The following GNL2 variants were observed in gnomAD, a reference collection of about 807,000 sequenced individuals.
The protein encoded by GNL2 is G protein nucleolar 2.
Under a neutral mutation model 92.3 loss-of-function variants are expected in GNL2, and 51 were observed. That is an observed-to-expected ratio of 0.55 (90% confidence interval 0.44 to 0.70). The LOEUF (loss-of-function observed/expected upper bound fraction) is 0.70, where lower values mean the gene tolerates loss of function less well. Ranked by LOEUF, GNL2 falls within the 30% of genes least tolerant of loss-of-function variation. The probability of loss-of-function intolerance (pLI) is 0.00; values close to 1 mark genes in which losing one functional copy is unlikely to be tolerated. For synonymous variants in GNL2, 283 were observed against 300.6 expected (o/e 0.94, Z 0.61); for missense variants, 844 against 895.6 (o/e 0.94, Z 0.74).
intron 15 of GNL2, 120 bp downstream of exon 15, chr1:37,567,553 C>T (rs1419077816): frequency 1.3e-6 from 1 of 741,644 alleles, no homozygotes; most frequent in African/African-American, 1.7e-5. Flanking sequence ...CTGACCTCAA[C>T]TAGGTCAACG....
At chr1:37,583,168 G>A (rs1354298430) in intron 6 of GNL2, 1 of 328,904 alleles carries the variant, frequency 3.0e-6, no homozygotes, top group Non-Finnish European at 5.5e-6. Context: ...TAGCTTAGAT[G>A]AAACTCAACT....
At chr1:37,569,672 G>A in intron 12 of GNL2, 1 of 204,790 alleles carries the variant, frequency 4.9e-6, no homozygotes, top group Non-Finnish European at 1.0e-5. Flanking sequence ...AGGCCAGGCT[G>A]GATGTTACAG....
intron 5 of GNL2, 42 bp from the exon 6 acceptor site, chr1:37,583,975 C>G (rs1643812656): frequency 1.8e-6 from 2 of 1,102,236 alleles, no homozygotes; most frequent in Admixed American, 3.4e-5. Flanking sequence ...GAAGCACCAT[C>G]AAGACTAAAA....
chr1:37,587,347 T>C lies in GNL2; in HGVS notation c.533A>G (p.Lys178Arg). 1.2e-6 allele frequency: 2 copies of C among 1,612,282 alleles called. No individual in the cohort carries two copies. The highest frequency in any genetic ancestry group is 2.2e-5 in the East Asian group (1 of 44,770). Residue 178 changes from lysine to arginine, a missense_variant, in exon 5 of 16, where the codon AAG (lysine) becomes AGG (arginine). Physicochemically the swap from Lys to Arg is conservative, Grantham distance 26. Transcript: ENST00000373062. Reference sequence around the variant, plus strand: ...GTCTTCAGTTACCAAATCACGATCCTTGCCCTGGTCATAGCTCTCAGTGGA... The same window carrying C: ...GTCTTCAGTTACCAAATCACGATCCCTGCCCTGGTCATAGCTCTCAGTGGA... ...EMSTESYDQGKDRDLVTEDTG... is the reference protein window; with the variant it reads ...EMSTESYDQGRDRDLVTEDTG...
chr1:37,574,559 G>T, intron 11 of GNL2, 103 bp from the exon 12 acceptor site: 2 of 1,389,496 alleles, frequency 1.4e-6, no homozygotes, highest in Non-Finnish European at 2.0e-6. Flanking sequence ...TCACTTAAGT[G>T]ACAAGTTTCA....
chr1:37,586,867 A>G (rs574298176), intron 5 of GNL2, among the ~76,000 whole-genome samples: 1 of 152,366 alleles, frequency 6.6e-6, no homozygotes, highest in African/African-American at 2.4e-5. Context: ...AGGGAAGAAG[A>G]TAACTCCATA....
At position 37,587,630 on chromosome 1, in the gene GNL2, G is replaced by A. The variant is rs187959781; in HGVS notation, c.385-135C>T. On this transcript the variant is annotated intron_variant, in intron 4 of 15. Coordinates refer to ENST00000373062, the MANE Select transcript of GNL2 (RefSeq NM_013285.3). ...ACCCATACCCAAATCTGTAAGACATGGTTTCAGTCTGGTTTCAAATCAGAA... is the reference window on the plus strand; with the variant it reads ...ACCCATACCCAAATCTGTAAGACATAGTTTCAGTCTGGTTTCAAATCAGAA... The A allele has an allele frequency of 1.1e-4, 60 of 526,658 alleles. No individual in the cohort carries two copies. In the East Asian group the frequency reaches 1.3e-3, roughly 11 times the overall value. The allele number at this position is 526,658 out of a possible 1,614,324, so 32.6% of individuals were successfully genotyped here.
chr1:37,588,528 T>C (rs1257635448), intron 4 of GNL2, among the ~76,000 whole-genome samples: 2 of 152,196 alleles, frequency 1.3e-5, no homozygotes, highest in African/African-American at 4.8e-5. Context: ...ACATGGGAAA[T>C]AGGGTCTAAT....
chr1:37,567,683 G>A lies in GNL2; in HGVS notation c.2033C>T (p.Thr678Ile). The A allele has an allele frequency of 6.2e-7, 1 of 1,609,198 alleles. No individual in the cohort carries two copies. The highest frequency in any genetic ancestry group is 2.2e-5 in the East Asian group (1 of 44,864). The change falls in exon 15 of 16, where the codon ACA becomes ATA. Residue 678 changes from threonine to isoleucine, a missense_variant. By Grantham distance (89) the Thr-to-Ile change is moderately conservative. Coordinates refer to ENST00000373062, the MANE Select transcript of GNL2 (RefSeq NM_013285.3). ...EHSNKAPRAL[T>I]SKERRRAVRQ... ...ACCTATGACACTTACTTCTTTTGATGTAAGCGCCCTGGGAGCTTTATTTGA... is the reference window on the plus strand; with the variant it reads ...ACCTATGACACTTACTTCTTTTGATATAAGCGCCCTGGGAGCTTTATTTGA...
At chr1:37,582,181 ACAGC>A (rs763299886) in intron 8 of GNL2, 38 bp downstream of exon 8, 1 of 1,308,436 alleles carries the variant, frequency 7.6e-7, no homozygotes, top group Admixed American at 2.0e-5. Flanking sequence ...ATACCAACTC[ACAGC>A]TACACAACTC....
In GNL2 at chr1:37,569,086, C is replaced by T. The variant is rs375100986; in HGVS notation, c.1633G>A (p.Asp545Asn). 6.2e-7 allele frequency: 1 copy of T among 1,614,160 alleles called. No individual in the cohort carries two copies. Among genetic ancestry groups the T allele is most frequent in the South Asian group, 1.1e-5 (1 of 91,078 alleles). ...GACACCTCCACAGGAACCAGGTCAT[C>T]CCCAGAAAACTGAGGCACCACGTTG... is the stretch of plus-strand genomic sequence containing the variant. ...KINVVPQFSG[D>N]DLVPVEVSDL... Residue 545 changes from aspartate to asparagine, a missense_variant, in exon 13 of 16, where the codon GAT becomes AAT. Coordinates refer to ENST00000373062, the MANE Select transcript of GNL2 (RefSeq NM_013285.3).
intron 3 of GNL2, 48 bp from the exon 4 acceptor site, chr1:37,590,893 C>A (rs1224970917): frequency 2.1e-6 from 3 of 1,453,424 alleles, no homozygotes; most frequent in Non-Finnish European, 2.8e-6. Context: ...ATTTGCGCAT[C>A]CATCTTCCAC....
intron 4 of GNL2, 50 bp from the exon 5 acceptor site, chr1:37,587,545 A>ATTGGGGCT: frequency 1.5e-6 from 2 of 1,313,754 alleles, no homozygotes; most frequent in African/African-American, 3.0e-5. Flanking sequence ...CACTGAGAAA[A>ATTGGGGCT]AGCAAAAAGC....
chr1:37,577,508 C>G (rs183086799), intron 8 of GNL2, among the ~76,000 whole-genome samples: 27 of 152,252 alleles, frequency 1.8e-4, no homozygotes, highest in African/African-American at 5.8e-4. Flanking sequence ...ACCAAACATA[C>G]TGAACCAGAG....
rs143930447 is a variant in GNL2 at position 37,576,738 on chromosome 1, A to G, written c.910-182T>C. Among the ~76,000 whole-genome samples the G allele has an allele frequency of 2.0e-3, 308 of 152,376 alleles. 2 individuals are homozygous for G. Among genetic ancestry groups the G allele is most frequent in the Non-Finnish European group, 3.5e-3 (239 of 68,040 alleles). On this transcript the variant is annotated intron_variant, in intron 8 of 15. Transcript: ENST00000373062. ...AAGCTGGATACATATGCTTATTAAT[A>G]AATCAGAGGTGAGTCATTTCCTCAG...
chr1:37,579,691 A>G (rs1643734549), intron 8 of GNL2, among the ~76,000 whole-genome samples: 1 of 151,878 alleles, frequency 6.6e-6, no homozygotes, highest in Non-Finnish European at 1.5e-5. Flanking sequence ...AGGTCAAGAG[A>G]TCAAGACCAT....
chr1:37,574,294 T>C (rs992424553), intron 12 of GNL2, 49 bp downstream of exon 12: 13 of 1,123,538 alleles, frequency 1.2e-5, no homozygotes, highest in African/African-American at 1.5e-5. Context: ...CTACACCAAA[T>C]CTAGGTCAGG....
At chr1:37,567,891 G>A in intron 14 of GNL2, 127 bp from the exon 15 acceptor site, 1 of 719,940 alleles carries the variant, frequency 1.4e-6, no homozygotes, top group South Asian at 1.6e-5. Context: ...GAGCACAGTG[G>A]TGAGTAAAGC....
chr1:37,582,918 C>T lies in GNL2; in HGVS notation c.655G>A (p.Val219Ile). 6.2e-7 allele frequency: 1 copy of T among 1,612,182 alleles called. No individual in the cohort carries two copies. Among genetic ancestry groups the T allele is most frequent in the Non-Finnish European group, 8.5e-7 (1 of 1,178,956 alleles). Residue 219 changes from valine to isoleucine, a missense_variant, in exon 7 of 16, where the codon GTT becomes ATT. Physicochemically the swap from Val to Ile is conservative, Grantham distance 29. Transcript: ENST00000373062. ...CTAGCATCAAGAACTTGAACTACAA[C>T]ATCTGATGAATCTATCACCTGAAAA... ...ELYKVIDSSD[V>I]VVQVLDARDP...
Sources: allele counts gnomAD v4.1 joint callset (sites outside exome capture counted in the v4.1 genomes callset), GRCh38; gene constraint gnomAD v4.1.1; transcripts MANE v1.5; gene names NCBI Gene and HGNC (gene_info 2026-07-23, HGNC 2026-07-21).